Variants in DYNC1I1 observed in about 807,000 individuals in gnomAD.
DYNC1I1 encodes cytoplasmic dynein 1 intermediate chain 1.
A neutral mutation model predicts 86.6 loss-of-function variants in DYNC1I1; 43 were observed. The observed-to-expected ratio is 0.50, with a 90% confidence interval of 0.39 to 0.64. The LOEUF is 0.64. Ranked by LOEUF, DYNC1I1 falls within the 30% of genes least tolerant of loss-of-function variation. The probability of loss-of-function intolerance (pLI) is 0.00; values close to 1 mark genes in which losing one functional copy is unlikely to be tolerated. For synonymous variants in DYNC1I1, 262 were observed against 283.7 expected (o/e 0.92, Z 0.77); for missense variants, 604 against 788.8 (o/e 0.77, Z 2.81).
At chr7:95,889,899 A>G (rs1407925064) in intron 6 of DYNC1I1, among the ~76,000 whole-genome samples, 2 of 152,236 alleles carry the variant, frequency 1.3e-5, no homozygotes, top group African/African-American at 4.8e-5. Flanking sequence ...ATGAGATAGC[A>G]TCTCACACCA....
At chr7:95,886,347 T>C (rs1246173982) in intron 6 of DYNC1I1, among the ~76,000 whole-genome samples, 1 of 152,024 alleles carries the variant, frequency 6.6e-6, no homozygotes, top group African/African-American at 2.4e-5. Flanking sequence ...GGCAGGAGGA[T>C]TGCTTGAACT....
intron 2 of DYNC1I1, among the ~76,000 whole-genome samples, chr7:95,805,120 G>T (rs1007586518): frequency 6.6e-6 from 1 of 152,052 alleles, no homozygotes; most frequent in Non-Finnish European, 1.5e-5. Context: ...CTCTGATCTT[G>T]TTATTGTTAG....
intron 6 of DYNC1I1, among the ~76,000 whole-genome samples, chr7:95,964,648 A>T (rs1349741100): frequency 6.6e-6 from 1 of 152,208 alleles, no homozygotes; most frequent in Non-Finnish European, 1.5e-5. Context: ...GACAATAAAT[A>T]CATGCATAAA....
intron 1 of DYNC1I1, among the ~76,000 whole-genome samples, chr7:95,788,763 C>T (rs1333506893): frequency 6.6e-6 from 1 of 152,140 alleles, no homozygotes; most frequent in African/African-American, 2.4e-5. Context: ...TCTGCTACTT[C>T]CCAAGGCTGT....
intron 14 of DYNC1I1, among the ~76,000 whole-genome samples, chr7:96,072,424 G>C (rs901820471): frequency 1.3e-5 from 2 of 152,156 alleles, no homozygotes; most frequent in Non-Finnish European, 2.9e-5. Context: ...CACAGGTGAA[G>C]GGGTTTTTTT....
intron 16 of DYNC1I1, among the ~76,000 whole-genome samples, chr7:96,089,457 A>C (rs917740087): frequency 1.3e-5 from 2 of 152,138 alleles, no homozygotes; most frequent in African/African-American, 4.8e-5. Flanking sequence ...TGTAGCCTCC[A>C]AGTTGGCTAC....
At chr7:95,876,295 A>G (rs556542172) in intron 6 of DYNC1I1, among the ~76,000 whole-genome samples, 63 of 152,248 alleles carry the variant, frequency 4.1e-4, no homozygotes, top group African/African-American at 1.4e-3. Flanking sequence ...ACTTCCTTCA[A>G]TTTATATCTT....
At chr7:95,862,471 C>T (rs1016542704) in intron 5 of DYNC1I1, among the ~76,000 whole-genome samples, 23 of 152,030 alleles carry the variant, frequency 1.5e-4, no homozygotes, top group Non-Finnish European at 7.4e-5. Context: ...CATCATTAGC[C>T]GTCAGAGAAA....
intron 6 of DYNC1I1, among the ~76,000 whole-genome samples, chr7:95,891,735 T>C (rs917231116): frequency 2.6e-5 from 4 of 151,730 alleles, no homozygotes; most frequent in African/African-American, 9.7e-5. Flanking sequence ...GGGTGAAGAG[T>C]GTGTTTTATT....
At chr7:96,081,968 C>G (rs1790533621) in intron 16 of DYNC1I1, among the ~76,000 whole-genome samples, 1 of 152,048 alleles carries the variant, frequency 6.6e-6, no homozygotes, top group Admixed American at 6.6e-5. Flanking sequence ...ATTTAACATC[C>G]CCTTGACTAC....
rs188322764 is a variant in DYNC1I1, at chr7:95,932,505, A to G, written c.491-45007A>G. Among the ~76,000 whole-genome samples, 111 of 152,316 alleles carry G rather than the reference A, an allele frequency of 7.3e-4. 1 individual carries two copies. Among genetic ancestry groups the G allele is most frequent in the African/African-American group, 2.6e-3 (108 of 41,570 alleles). ...ATGGAAAAATCTGTCTACCTAAAGG[A>G]CATATGAAGGAATTAGAAGTGTCCT... On this transcript the variant is annotated intron_variant, in intron 6 of 16. Transcript: ENST00000447467.
intron 5 of DYNC1I1, among the ~76,000 whole-genome samples, chr7:95,853,288 T>C (rs1789628650): frequency 1.3e-5 from 2 of 152,184 alleles, no homozygotes; most frequent in Non-Finnish European, 2.9e-5. Context: ...TAAATGTCAT[T>C]ATCATGGGAA....
intron 13 of DYNC1I1, among the ~76,000 whole-genome samples, chr7:96,037,605 A>C (rs1794958323): frequency 6.6e-6 from 1 of 152,196 alleles, no homozygotes; most frequent in Admixed American, 6.5e-5. Flanking sequence ...TTATCTACGA[A>C]GGCTATAGAA....
intron 3 of DYNC1I1, 65 bp downstream of exon 3, chr7:95,810,571 G>C (rs1488693208): frequency 3.8e-6 from 5 of 1,299,418 alleles, no homozygotes; most frequent in Non-Finnish European, 4.2e-6. Flanking sequence ...ACCATGTCCA[G>C]TGTTTACTAT....
At chr7:96,060,140 A>G (rs568567699) in intron 14 of DYNC1I1, among the ~76,000 whole-genome samples, 2 of 152,338 alleles carry the variant, frequency 1.3e-5, no homozygotes, top group Admixed American at 6.5e-5. Flanking sequence ...CAGTATGACT[A>G]TCGGGCTGAC....
rs767813074 is a variant in DYNC1I1, at chr7:96,097,656, CAA to C, written c.*64_*65del. ...TGTCCTAGAGCTCAGCGTCTGCAGT[CAA>C]GTCTCTTGTATTCGGTGTCCATTCA... On this transcript the variant is annotated 3_prime_UTR_variant, in exon 17 of 17. Transcript: ENST00000447467. 1.1e-4 allele frequency: 175 copies of C among 1,602,272 alleles called. No individual in the cohort carries two copies. Among genetic ancestry groups the C allele is most frequent in the Non-Finnish European group, 1.4e-4 (167 of 1,173,664 alleles).
chr7:95,818,597 C>T, intron 4 of DYNC1I1: 4 of 602,328 alleles, frequency 6.6e-6, no homozygotes, highest in Non-Finnish European at 1.2e-5. Context: ...CCTCCTGCCT[C>T]TCCCTCCCAA....
chr7:95,833,903 ATGT>A (rs1321471352), intron 5 of DYNC1I1, among the ~76,000 whole-genome samples: 21 of 149,946 alleles, frequency 1.4e-4, no homozygotes, highest in African/African-American at 5.0e-4. Flanking sequence ...ATATACAATC[ATGT>A]TGTCTGCAAA....
At chr7:95,831,403 C>T (rs2115944206) in intron 5 of DYNC1I1, among the ~76,000 whole-genome samples, 1 of 152,252 alleles carries the variant, frequency 6.6e-6, no homozygotes, top group Non-Finnish European at 1.5e-5. Flanking sequence ...GACAGAGTCT[C>T]ACTCTGTCAC....
Sources: gnomAD v4.1 joint callset for allele counts (sites outside exome capture counted in the v4.1 genomes callset) on GRCh38, gnomAD v4.1.1 for gene constraint, MANE v1.5 for transcripts, NCBI Gene and HGNC (gene_info 2026-07-23, HGNC 2026-07-21) for gene names.